CTNNA2: variants seen among roughly 807,000 people sequenced by gnomAD.
The protein encoded by CTNNA2 is catenin alpha 2.
In CTNNA2, 42 loss-of-function variants were observed where a neutral mutation model predicts 101.0. The observed-to-expected ratio is 0.42, with a 90% CI of 0.32 to 0.54. The LOEUF (loss-of-function observed/expected upper bound fraction) is 0.54, where lower values mean the gene tolerates loss of function less well. Among genes scored for constraint, CTNNA2 ranks in the 20% least tolerant of loss-of-function variants. The pLI is 0.14. For synonymous variants in CTNNA2, 450 were observed against 456.4 expected (o/e 0.99, Z 0.18); for missense variants, 871 against 1,223.1 (o/e 0.71, Z 4.29).
intron 1 of CTNNA2, among the ~76,000 whole-genome samples, chr2:79,553,492 T>C (rs1007151720): frequency 6.6e-6 from 1 of 152,188 alleles, no homozygotes; most frequent in Non-Finnish European, 1.5e-5. Context: ...TACTGGAGAC[T>C]GGGTAATTTA....
At chr2:79,830,577 T>C (rs1197187079) in intron 3 of CTNNA2, among the ~76,000 whole-genome samples, 2 of 152,180 alleles carry the variant, frequency 1.3e-5, no homozygotes, top group Non-Finnish European at 2.9e-5. Flanking sequence ...CCACGAGCAA[T>C]TATTTAATGT....
chr2:80,040,090 C>G (rs1388643166), intron 7 of CTNNA2, among the ~76,000 whole-genome samples: 1 of 152,160 alleles, frequency 6.6e-6, no homozygotes, highest in East Asian at 1.9e-4. Flanking sequence ...GAAAATTGGA[C>G]CAAACTCTGG....
intron 3 of CTNNA2, among the ~76,000 whole-genome samples, chr2:79,320,735 G>A (rs1464920036): frequency 1.3e-5 from 2 of 152,066 alleles, no homozygotes; most frequent in East Asian, 3.9e-4. Context: ...CAGAAAGGGA[G>A]GTCAGGTCAG....
Position 80,523,769 on chromosome 2 carries a change from G to T in CTNNA2, c.1291-21213G>T, listed in dbSNP as rs116710959. Among the ~76,000 whole-genome samples, 256 of 152,302 alleles carry T rather than the reference G, an allele frequency of 1.7e-3. 8 individuals are homozygous for T. Among genetic ancestry groups the T allele is most frequent in the East Asian group, 6.0e-3 (31 of 5,174 alleles). ...AGGAGATGGTCCCTGACTTTGAAAA[G>T]TTGATAATGGGGAAGGCAAGTCTTC... On this transcript the variant is annotated intron_variant, in intron 9 of 18. Transcript: ENST00000402739.
At chr2:79,223,131 G>A (rs933167972) in intron 2 of CTNNA2, among the ~76,000 whole-genome samples, 2 of 152,130 alleles carry the variant, frequency 1.3e-5, no homozygotes, top group African/African-American at 4.8e-5. Context: ...CTGCACTCCA[G>A]CCTGGGCAAC....
At chr2:80,617,235 C>T (rs1698926160) in intron 17 of CTNNA2, among the ~76,000 whole-genome samples, 1 of 151,490 alleles carries the variant, frequency 6.6e-6, no homozygotes, top group Non-Finnish European at 1.5e-5. Context: ...TGCTAAGTGA[C>T]TAATTTATTT....
intron 3 of CTNNA2, among the ~76,000 whole-genome samples, chr2:79,803,296 G>C (rs939487303): frequency 6.6e-6 from 1 of 152,232 alleles, no homozygotes; most frequent in Non-Finnish European, 1.5e-5. Context: ...TACACACACA[G>C]AAATATAGAG....
chr2:80,261,625 T>C (rs1029572899), intron 7 of CTNNA2, among the ~76,000 whole-genome samples: 2 of 152,112 alleles, frequency 1.3e-5, no homozygotes, highest in Admixed American at 1.3e-4. Context: ...TGGTCTGAGG[T>C]AATAATTGAA....
chr2:79,455,843 A>T (rs973898747), intron 4 of CTNNA2, among the ~76,000 whole-genome samples: 1 of 152,174 alleles, frequency 6.6e-6, no homozygotes, highest in African/African-American at 2.4e-5. Context: ...CTCACTACTG[A>T]ACTTTGAAAT....
rs375992985 is a variant in CTNNA2, at chr2:80,620,154, C to T, written c.2574+926C>T. 4.0e-5 allele frequency among the ~76,000 whole-genome samples: 6 copies of T among 151,692 alleles called. No homozygotes were observed. The South Asian group carries it at 1.2e-3, about 31-fold the overall frequency. ...GGTGGGTGTTCTTAGAAGGGTTTGA[C>T]CACCAGAATGTGAAACCCTGTTTTT... On this transcript the variant is annotated intron_variant, in intron 18 of 18. Transcript: ENST00000402739.
Position 80,054,877 on chromosome 2 carries a change from A to G in CTNNA2, c.1056+145080A>G, listed in dbSNP as rs79502454. On this transcript the variant is annotated intron_variant, in intron 7 of 18. Coordinates refer to ENST00000402739, the MANE Select transcript of CTNNA2 (RefSeq NM_001282597.3). ...TCTCTCCTAAACATGGCTCACCTGA[A>G]ATATCTTAGTTTTTAGTTTCCCATC... is the stretch of plus-strand genomic sequence containing the variant. 5.2e-3 allele frequency among the ~76,000 whole-genome samples: 790 copies of G among 152,234 alleles called. 12 individuals are homozygous for G. The highest frequency in any genetic ancestry group is 0.018 in the African/African-American group (739 of 41,540).
chr2:79,561,916 C>T (rs1674806908), intron 1 of CTNNA2, among the ~76,000 whole-genome samples: 1 of 150,844 alleles, frequency 6.6e-6, no homozygotes, highest in African/African-American at 2.4e-5. Flanking sequence ...AATGTCTTTT[C>T]AGTTTTTTGA....
At chr2:79,979,472 A>C (rs67037583) in intron 7 of CTNNA2, among the ~76,000 whole-genome samples, 29,295 of 152,048 alleles carry the variant, frequency 0.19, 3,532 homozygotes, top group Admixed American at 0.31. Flanking sequence ...AGAACCCAAC[A>C]TTCTTGATTG....
intron 9 of CTNNA2, among the ~76,000 whole-genome samples, chr2:80,544,660 G>T (rs1294127533): frequency 1.3e-5 from 2 of 152,104 alleles, no homozygotes; most frequent in Admixed American, 6.5e-5. Context: ...ACAGGGTTTT[G>T]CATTTTGATG....
intron 4 of CTNNA2, among the ~76,000 whole-genome samples, chr2:79,480,360 C>G (rs1032698974): frequency 1.3e-5 from 2 of 152,130 alleles, no homozygotes; most frequent in African/African-American, 4.8e-5. Flanking sequence ...ACACCAAGTT[C>G]TTAATTGATC....
chr2:79,793,951 A>T (rs1675490892), intron 3 of CTNNA2, among the ~76,000 whole-genome samples: 1 of 151,412 alleles, frequency 6.6e-6, no homozygotes, highest in African/African-American at 2.4e-5. Flanking sequence ...CAAGAATAAG[A>T]ATGATACAAT....
At chr2:79,857,915 T>C in intron 3 of CTNNA2, 98 bp from the exon 4 acceptor site, 5 of 1,294,726 alleles carry the variant, frequency 3.9e-6, no homozygotes, top group Non-Finnish European at 5.4e-6. Context: ...CATCAGAGTT[T>C]TGCAATAAAA....
chr2:80,390,705 A>T (rs938738877), intron 7 of CTNNA2, among the ~76,000 whole-genome samples: 1 of 152,230 alleles, frequency 6.6e-6, no homozygotes, highest in African/African-American at 2.4e-5. Flanking sequence ...TTAAAATGTC[A>T]TCTGATGCTG....
At chr2:80,119,952 C>A (rs1161579314) in intron 7 of CTNNA2, among the ~76,000 whole-genome samples, 1 of 152,202 alleles carries the variant, frequency 6.6e-6, no homozygotes, top group African/African-American at 2.4e-5. Context: ...CTCTGGCAAT[C>A]TATAAACAAT....
Sources: gnomAD v4.1 joint callset for allele counts (sites outside exome capture counted in the v4.1 genomes callset) on GRCh38, gnomAD v4.1.1 for gene constraint, MANE v1.5 for transcripts, NCBI Gene and HGNC (gene_info 2026-07-23, HGNC 2026-07-21) for gene names.